Variants in UCP1 observed in about 807,000 individuals in gnomAD.
The protein encoded by UCP1 is uncoupling protein 1, also known as mitochondrial brown fat uncoupling protein 1.
Under a neutral mutation model 26.2 loss-of-function variants are expected in UCP1, and 24 were observed. That is an observed-to-expected ratio of 0.92 (90% CI 0.66 to 1.29). The LOEUF (loss-of-function observed/expected upper bound fraction) is 1.29, where lower values mean the gene tolerates loss of function less well. Ranked by LOEUF, UCP1 falls within the 50% of genes most tolerant of loss-of-function variation. The pLI is 0.00. For synonymous variants in UCP1, 164 were observed against 156.8 expected (o/e 1.05, Z -0.34); for missense variants, 402 against 388.7 (o/e 1.03, Z -0.29).
intron 2 of UCP1, among the ~76,000 whole-genome samples, chr4:140,564,280 G>A (rs1211445676): frequency 6.6e-6 from 1 of 152,112 alleles, no homozygotes; most frequent in Non-Finnish European, 1.5e-5. Flanking sequence ...GTAGTGTTAG[G>A]CTACAACATG....
chr4:140,562,486 A>G (rs1417351283), intron 4 of UCP1, 113 bp from the exon 5 acceptor site: 2 of 1,039,960 alleles, frequency 1.9e-6, no homozygotes, highest in African/African-American at 1.6e-5. Context: ...AAGATGTCTT[A>G]TAAATAAATA....
intron 2 of UCP1, 93 bp from the exon 3 acceptor site, chr4:140,563,611 ATTT>A (rs112019388): frequency 1.3e-4 from 130 of 1,013,268 alleles, no homozygotes; most frequent in Non-Finnish European, 1.6e-4. Context: ...ATATTTTTGT[ATTT>A]TTTTTTTTTT....
chr4:140,563,418 T>G lies in UCP1; in HGVS notation c.426A>C (p.Gln142His). 1 of 1,614,160 alleles carries G rather than the reference T, an allele frequency of 6.2e-7. No homozygotes were observed. Among genetic ancestry groups the G allele is most frequent in the South Asian group, 1.1e-5 (1 of 91,082 alleles). The stretch of plus-strand genomic sequence containing the variant: ...TGATTCCGTGGAGATGGCTCTGTGC[T>G]TGAAGTCTGACTTTCACGACCTCTG... ...QPTEVVKVRL[Q>H]AQSHLHGIKP... is the part of the protein sequence containing the mutation. The change falls in exon 3 of 6, where the codon CAA becomes CAC. Residue 142 changes from glutamine to histidine, a missense_variant. Transcript: ENST00000262999.
chr4:140,562,074 A>G (rs1735687344), intron 5 of UCP1, 119 bp downstream of exon 5: 7 of 1,195,740 alleles, frequency 5.9e-6, no homozygotes, highest in East Asian at 4.7e-5. Flanking sequence ...GGAAAAGTCA[A>G]TACTAAGTAT....
rs1735865240 is a variant in UCP1 at position 140,568,788 on chromosome 4, G to A, written c.-59C>T. ...GGCTCCAGCCCCGAAGGTGGAGGAA[G>A]TTCCTTTCCCTTGCTCTTCACGCCT... On this transcript the variant is annotated 5_prime_UTR_variant, in exon 1 of 6. Transcript: ENST00000262999. The A allele has an allele frequency of 1.3e-6, 2 of 1,542,114 alleles. No homozygotes were observed. The highest frequency in any genetic ancestry group is 1.2e-5 in the South Asian group (1 of 84,268).
chr4:140,568,010 G>A (rs1735841906), intron 1 of UCP1, 33 bp from the exon 2 acceptor site: 2 of 1,611,950 alleles, frequency 1.2e-6, no homozygotes. Flanking sequence ...ACAGAAGGGA[G>A]CGAAATTGAG....
Position 140,568,831 on chromosome 4 carries a change from C to T in UCP1, c.-102G>A, listed in dbSNP as rs2110919757. On this transcript the variant is annotated 5_prime_UTR_variant, in exon 1 of 6. Coordinates refer to ENST00000262999, the MANE Select transcript of UCP1 (RefSeq NM_021833.5). ...TCACGCCTGTCCGCCGGGCAGCAAA[C>T]CCGATTTCTGTTTTTTGAACCGACC... The T allele has an allele frequency of 2.6e-6, 4 of 1,519,842 alleles. No individual in the cohort carries two copies. Among genetic ancestry groups the T allele is most frequent in the South Asian group, 1.2e-5 (1 of 83,520 alleles). The allele number at this position is 1,519,842 out of a possible 1,614,324, so 94.1% of individuals were successfully genotyped here.
At position 140,567,771 on chromosome 4, in the gene UCP1, C is replaced by G. The variant is rs372660791; in HGVS notation, c.325+8G>C. On this transcript the variant is annotated splice_region_variant and intron_variant, in intron 2 of 5. Coordinates refer to ENST00000262999, the MANE Select transcript of UCP1 (RefSeq NM_021833.5). Reference sequence around the variant, plus strand: ...TTTCTGCCCCTCCCAGGAACGCTCACGGCTTACTTTCTTTCCCTGCGGTGA... The same window carrying G: ...TTTCTGCCCCTCCCAGGAACGCTCAGGGCTTACTTTCTTTCCCTGCGGTGA... The G allele has an allele frequency of 2.5e-6, 4 of 1,613,692 alleles. No individual in the cohort carries two copies. Among genetic ancestry groups the G allele is most frequent in the Non-Finnish European group, 3.4e-6 (4 of 1,179,922 alleles).
intron 5 of UCP1, among the ~76,000 whole-genome samples, chr4:140,560,718 C>T (rs1218424470): frequency 6.6e-6 from 1 of 150,392 alleles, no homozygotes; most frequent in Non-Finnish European, 1.5e-5. Flanking sequence ...ACATGTTTCT[C>T]TTCACTTCCC....
intron 5 of UCP1, among the ~76,000 whole-genome samples, chr4:140,561,709 C>CTCACCTAGA (rs1206416954): frequency 3.3e-5 from 5 of 152,170 alleles, no homozygotes; most frequent in Admixed American, 2.0e-4. Flanking sequence ...ATCTATTACA[C>CTCACCTAGA]AACACTTGTT....
intron 1 of UCP1, 55 bp downstream of exon 1, chr4:140,568,549 G>A: frequency 6.2e-7 from 1 of 1,610,900 alleles, no homozygotes; most frequent in Non-Finnish European, 8.5e-7. Context: ...TGGAATGCAC[G>A]CAACAGCGTC....
intron 5 of UCP1, 124 bp from the exon 6 acceptor site, chr4:140,560,134 C>T (rs145918476): frequency 5.1e-6 from 4 of 776,722 alleles, no homozygotes; most frequent in East Asian, 2.7e-5. Flanking sequence ...CTCACTGCAA[C>T]CTCGAGCTCC....
At chr4:140,567,743 G>T (rs763335484) in intron 2 of UCP1, 36 bp downstream of exon 2, 1 of 1,612,286 alleles carries the variant, frequency 6.2e-7, no homozygotes, top group Non-Finnish European at 8.5e-7. Context: ...GGAGCCCAAG[G>T]CTTTTCTGCC....
At chr4:140,560,128 C>T in intron 5 of UCP1, 118 bp from the exon 6 acceptor site, 1 of 831,222 alleles carries the variant, frequency 1.2e-6, no homozygotes, top group South Asian at 1.5e-5. Context: ...TCATAGCTCA[C>T]TGCAACCTCG....
At chr4:140,567,615 C>CT (rs1403184912) in intron 2 of UCP1, among the ~76,000 whole-genome samples, 164 bp downstream of exon 2, 12 of 152,188 alleles carry the variant, frequency 7.9e-5, no homozygotes, top group Non-Finnish European at 1.5e-4. Context: ...ATTTTGCATA[C>CT]TTTTTTCTAT....
intron 5 of UCP1, 35 bp from the exon 6 acceptor site, chr4:140,560,045 TTTGA>T (rs1422272685): frequency 1.2e-5 from 19 of 1,580,784 alleles, no homozygotes; most frequent in Non-Finnish European, 1.7e-5. Context: ...GATTAATTTG[TTTGA>T]TTTTTTTTTT....
intron 5 of UCP1, among the ~76,000 whole-genome samples, chr4:140,561,946 C>T (rs1274470635): frequency 6.6e-6 from 1 of 152,108 alleles, no homozygotes; most frequent in Non-Finnish European, 1.5e-5. Context: ...TAGATTGGGA[C>T]CAGTGGAAAA....
chr4:140,562,629 A>G (rs1215153826), intron 4 of UCP1, among the ~76,000 whole-genome samples: 1 of 152,202 alleles, frequency 6.6e-6, no homozygotes, highest in Non-Finnish European at 1.5e-5. Flanking sequence ...TGCCTAATAT[A>G]TGAGCATCTA....
intron 1 of UCP1, 152 bp from the exon 2 acceptor site, chr4:140,568,129 G>A: frequency 1.4e-6 from 1 of 709,330 alleles, no homozygotes. Flanking sequence ...GTGTGTGTGT[G>A]TGTGTGTGTG....
Sources: gnomAD v4.1 joint callset for allele counts (sites outside exome capture counted in the v4.1 genomes callset) on GRCh38, gnomAD v4.1.1 for gene constraint, MANE v1.5 for transcripts, NCBI Gene and HGNC (gene_info 2026-07-23, HGNC 2026-07-21) for gene names.